DYM: variants seen among roughly 807,000 people sequenced by gnomAD.
DYM encodes the protein dyggve-Melchior-Clausen syndrome protein.
Under a neutral mutation model 93.1 loss-of-function variants are expected in DYM, and 78 were observed. The observed-to-expected ratio is 0.84, with a 90% CI of 0.70 to 1.01. The LOEUF (loss-of-function observed/expected upper bound fraction) is 1.01, where lower values mean the gene tolerates loss of function less well. Among genes scored for constraint, DYM ranks in the 50% least tolerant of loss-of-function variants. DYM has a pLI of 0.00. For missense variants in DYM, 789 were observed against 845.0 expected (o/e 0.93, Z 0.82); for synonymous variants, 321 against 319.7 (o/e 1.00, Z -0.04).
chr18:49,408,005 G>A (rs114973656), intron 2 of DYM, among the ~76,000 whole-genome samples: 1 of 150,500 alleles, frequency 6.6e-6, no homozygotes, highest in African/African-American at 2.4e-5. Context: ...TGAAGGGGGA[G>A]GACTGCCTGA....
intron 7 of DYM, among the ~76,000 whole-genome samples, chr18:49,333,215 G>A (rs748303127): frequency 2.6e-5 from 4 of 152,182 alleles, no homozygotes; most frequent in Non-Finnish European, 5.9e-5. Flanking sequence ...GAGATCGTAA[G>A]CTTCTGCTCA....
intron 16 of DYM, among the ~76,000 whole-genome samples, chr18:49,112,994 C>CA (rs920182502): frequency 9.3e-5 from 14 of 149,900 alleles, no homozygotes; most frequent in Non-Finnish European, 1.5e-5. Context: ...CTTTCTTACT[C>CA]TTTTTTTTTT....
intron 1 of DYM, among the ~76,000 whole-genome samples, chr18:49,441,008 T>TA (rs2081399606): frequency 7.6e-4 from 2 of 2,638 alleles, no homozygotes; most frequent in African/African-American, 2.1e-3. Context: ...TATTTATATA[T>TA]TATATATTAT....
chr18:49,221,077 C>A (rs2093331567), intron 13 of DYM, among the ~76,000 whole-genome samples: 1 of 152,128 alleles, frequency 6.6e-6, no homozygotes, highest in Admixed American at 6.5e-5. Flanking sequence ...CAAACAACCC[C>A]ATCAAAAAGT....
intron 5 of DYM, among the ~76,000 whole-genome samples, chr18:49,364,795 T>G (rs992327502): frequency 6.6e-6 from 1 of 152,112 alleles, no homozygotes; most frequent in Non-Finnish European, 1.5e-5. Flanking sequence ...TCAGTAACAT[T>G]CCCTCTGCCT....
intron 8 of DYM, among the ~76,000 whole-genome samples, chr18:49,326,989 A>C (rs1051969433): frequency 1.8e-5 from 2 of 109,104 alleles, no homozygotes; most frequent in Non-Finnish European, 3.5e-5. Flanking sequence ...GATTTTAAAA[A>C]ACCGTGTGTG....
chr18:49,308,327 A>G (rs979006844), intron 8 of DYM, among the ~76,000 whole-genome samples: 8 of 151,814 alleles, frequency 5.3e-5, no homozygotes, highest in African/African-American at 1.7e-4. Flanking sequence ...TTACACATTC[A>G]AGTCCTGCTG....
At chr18:49,047,674 A>T (rs551664513) in intron 17 of DYM, among the ~76,000 whole-genome samples, 25 of 152,200 alleles carry the variant, frequency 1.6e-4, no homozygotes, top group Non-Finnish European at 2.5e-4. Flanking sequence ...TAGGGCCTGG[A>T]GAGTTTGGGA....
At position 49,223,275 on chromosome 18, in the gene DYM, T is replaced by C. The variant is rs2093426360; in HGVS notation, c.1461-13560A>G. 2.6e-5 allele frequency among the ~76,000 whole-genome samples: 4 copies of C among 152,278 alleles called. No individual in the cohort carries two copies. The Middle Eastern group carries it at 0.014, about 518-fold the overall frequency. ...CAAGCAAGGGGTACTGCACAACTTT[T>C]TTCTTAAACTTAGGTCGGGTAGCAA... On this transcript the variant is annotated intron_variant, in intron 13 of 17. Transcript: ENST00000675505.
chr18:49,412,434 G>A (rs1473621479), intron 2 of DYM, among the ~76,000 whole-genome samples: 1 of 152,018 alleles, frequency 6.6e-6, no homozygotes, highest in Non-Finnish European at 1.5e-5. Context: ...GCATAGAAAG[G>A]TATAAATGAA....
chr18:49,299,869 C>G (rs1477299091), intron 8 of DYM, among the ~76,000 whole-genome samples: 3 of 151,376 alleles, frequency 2.0e-5, no homozygotes, highest in African/African-American at 7.3e-5. Context: ...CGGTGAAACC[C>G]CGTCTCTACT....
intron 17 of DYM, among the ~76,000 whole-genome samples, chr18:49,080,174 T>C (rs1183065040): frequency 1.2e-4 from 4 of 34,360 alleles, no homozygotes; most frequent in African/African-American, 5.0e-4. Flanking sequence ...CCCCCCCACC[T>C]CCCTCCCGGA....
intron 8 of DYM, among the ~76,000 whole-genome samples, chr18:49,331,178 G>A (rs905787732): frequency 2.0e-5 from 3 of 152,148 alleles, no homozygotes; most frequent in South Asian, 2.1e-4. Context: ...CTCCCAGGCC[G>A]ACCTCACAAG....
chr18:49,097,342 A>C, intron 17 of DYM, 60 bp downstream of exon 17: 1 of 1,477,612 alleles, frequency 6.8e-7, no homozygotes, highest in Non-Finnish European at 9.4e-7. Flanking sequence ...CTGCTAAGAC[A>C]CTAACATTTA....
chr18:49,156,911 TAA>T (rs2144889094), intron 15 of DYM, among the ~76,000 whole-genome samples: 1 of 152,038 alleles, frequency 6.6e-6, no homozygotes, highest in Non-Finnish European at 1.5e-5. Context: ...CTGCCTCACC[TAA>T]AGTCTTTGCC....
intron 14 of DYM, among the ~76,000 whole-genome samples, chr18:49,203,019 G>A (rs1428262028): frequency 7.0e-5 from 2 of 28,752 alleles, no homozygotes; most frequent in African/African-American, 1.0e-4. Flanking sequence ...TCAGCCCCCC[G>A]CCTGGCCGGC....
chr18:49,355,123 A>C (rs192886078), intron 6 of DYM, among the ~76,000 whole-genome samples: 16 of 152,108 alleles, frequency 1.1e-4, no homozygotes, highest in Admixed American at 1.0e-3. Context: ...TACTTTAACC[A>C]TCATCCTTTG....
intron 8 of DYM, among the ~76,000 whole-genome samples, chr18:49,307,702 C>T (rs922025901): frequency 1.1e-4 from 17 of 152,242 alleles, no homozygotes; most frequent in African/African-American, 3.6e-4. Flanking sequence ...CTTTCTTTAA[C>T]TTAGATCAGA....
chr18:49,097,323 G>A, intron 17 of DYM, 79 bp downstream of exon 17: 1 of 1,279,434 alleles, frequency 7.8e-7, no homozygotes, highest in East Asian at 2.3e-5. Flanking sequence ...GCATGATTCT[G>A]GATAGGGTCT....
Sources: allele counts gnomAD v4.1 joint callset (sites outside exome capture counted in the v4.1 genomes callset), GRCh38; gene constraint gnomAD v4.1.1; transcripts MANE v1.5; gene names NCBI Gene and HGNC (gene_info 2026-07-23, HGNC 2026-07-21).